The following TBL1X variants were observed in gnomAD, a reference collection of about 807,000 sequenced individuals.
TBL1X encodes F-box-like/WD repeat-containing protein TBL1X.
Under a neutral mutation model 50.7 loss-of-function variants are expected in TBL1X, and 10 were observed. The observed-to-expected ratio is 0.20, with a 90% CI of 0.12 to 0.33. The LOEUF is 0.33. Among genes scored for constraint, TBL1X ranks in the 10% least tolerant of loss-of-function variants. The pLI, the probability that TBL1X is intolerant of heterozygous loss-of-function variation, is 1.00. For synonymous variants in TBL1X, 190 were observed against 214.7 expected (o/e 0.88, Z 1.01); for missense variants, 340 against 504.4 (o/e 0.67, Z 3.12).
chrX:9,518,443 A>G, intron 2 of TBL1X, among the ~76,000 whole-genome samples: 1 of 112,238 alleles, frequency 8.9e-6, no homozygotes, highest in East Asian at 2.8e-4. Context: ...GAAGCCTGGT[A>G]TTTTCATAAT....
In TBL1X at chrX:9,702,071, G is replaced by GA. The variant is rs1387255183; in HGVS notation, c.1115-2920dup. On this transcript the variant is annotated intron_variant, in intron 12 of 17. Transcript: ENST00000645353. ...CACCTCTTATTTGAAGACCGAGGAA[G>GA]AATAGGGGCAATTGATGGTTAGTAT... Among the ~76,000 whole-genome samples, 3 of 111,549 alleles carry GA rather than the reference G, an allele frequency of 2.7e-5. No homozygotes were observed. In the Admixed American group the frequency reaches 2.9e-4, roughly 11 times the overall value.
chrX:9,484,858 G>T (rs2081902440), intron 1 of TBL1X, among the ~76,000 whole-genome samples: 1 of 103,645 alleles, frequency 9.6e-6, no homozygotes, highest in African/African-American at 3.6e-5. Flanking sequence ...GAGGCAGGAG[G>T]ATAGCTTGAA....
At chrX:9,647,311 G>A (rs2082497582) in intron 3 of TBL1X, among the ~76,000 whole-genome samples, 1 of 112,040 alleles carries the variant, frequency 8.9e-6, no homozygotes, top group Non-Finnish European at 1.9e-5. Context: ...CTTCAAAAAT[G>A]CCATCAGCCC....
At chrX:9,673,305 C>T (rs771402062) in intron 5 of TBL1X, among the ~76,000 whole-genome samples, 4 of 112,568 alleles carry the variant, frequency 3.6e-5, no homozygotes, top group Non-Finnish European at 7.5e-5. Flanking sequence ...ATATCCTACC[C>T]TTGTCAGTGT....
chrX:9,596,530 C>T (rs1169340394), intron 2 of TBL1X, among the ~76,000 whole-genome samples: 1 of 111,077 alleles, frequency 9.0e-6, no homozygotes, highest in Non-Finnish European at 1.9e-5. Context: ...CGCTCAACAT[C>T]CTACAATGCA....
At chrX:9,648,803 G>A (rs1315232328) in intron 3 of TBL1X, among the ~76,000 whole-genome samples, 1 of 112,181 alleles carries the variant, frequency 8.9e-6, no homozygotes, top group Non-Finnish European at 1.9e-5. Flanking sequence ...TTATTTGTGG[G>A]AAATTAAACA....
rs148489324 is a variant in TBL1X, at chrX:9,693,283, C to A, written c.956-39C>A. 9.1e-4 allele frequency: 1,095 copies of A among 1,207,148 alleles called. 8 individuals carry two copies. In the African/African-American group the frequency reaches 0.016, roughly 18 times the overall value. On this transcript the variant is annotated intron_variant, in intron 10 of 17. Coordinates refer to ENST00000645353, the MANE Select transcript of TBL1X (RefSeq NM_005647.4). ...CGAACTTAACCCTTGAGTGAACAGA[C>A]CATGACATTGAGGTCAACATGTTTG...
chrX:9,593,739 A>G (rs888245678), intron 2 of TBL1X, among the ~76,000 whole-genome samples: 3 of 109,424 alleles, frequency 2.7e-5, no homozygotes. Context: ...CCACTTCCCC[A>G]TTTATTTCTC....
At chrX:9,601,351 G>C (rs942359688) in intron 2 of TBL1X, among the ~76,000 whole-genome samples, 1 of 110,941 alleles carries the variant, frequency 9.0e-6, no homozygotes, top group Non-Finnish European at 1.9e-5. Context: ...CCCTGGGCTA[G>C]GTACATATGG....
intron 3 of TBL1X, 88 bp from the exon 4 acceptor site, chrX:9,653,457 G>A: frequency 1.7e-6 from 1 of 590,797 alleles, no homozygotes. Flanking sequence ...GGCACCAGAA[G>A]TCTTAGCCAG....
chrX:9,686,073 C>T (rs998745944), intron 6 of TBL1X, among the ~76,000 whole-genome samples: 8 of 111,146 alleles, frequency 7.2e-5, no homozygotes, highest in East Asian at 2.8e-4. Context: ...CTGTGGCTTT[C>T]GAAACTCCGG....
chrX:9,647,230 C>T (rs1005609127), intron 3 of TBL1X, among the ~76,000 whole-genome samples: 3 of 111,731 alleles, frequency 2.7e-5, no homozygotes, highest in Admixed American at 9.5e-5. Context: ...AATAATCTCC[C>T]CTTCAGCTTC....
Position 9,563,067 on chromosome X carries a change from CT to C in TBL1X, c.-131+61220del, listed in dbSNP as rs781178672. ...GAGAATGCCCTGGCTGCCGTTCTGG[CT>C]TCTGCCCTACCCAGAGCATCCAGTA... On this transcript the variant is annotated intron_variant, in intron 2 of 17. Transcript: ENST00000645353. 6.1e-3 allele frequency among the ~76,000 whole-genome samples: 692 copies of C among 112,850 alleles called. 3 individuals are homozygous for C. The highest frequency in any genetic ancestry group is 0.021 in the African/African-American group (652 of 31,071).
chrX:9,716,061 G>A (rs147045769), intron 17 of TBL1X, among the ~76,000 whole-genome samples, 159 bp from the exon 18 acceptor site: 29 of 112,332 alleles, frequency 2.6e-4, no homozygotes, highest in African/African-American at 8.7e-4. Context: ...TGTTATGAGA[G>A]CTTCTCTGAC....
intron 2 of TBL1X, among the ~76,000 whole-genome samples, chrX:9,617,655 C>T (rs2082645810): frequency 8.9e-6 from 1 of 111,793 alleles, no homozygotes; most frequent in Admixed American, 9.5e-5. Flanking sequence ...CTTCAGAAAA[C>T]AGAAACATTA....
intron 2 of TBL1X, among the ~76,000 whole-genome samples, chrX:9,638,755 T>C (rs187773174): frequency 1.6e-3 from 180 of 111,884 alleles, no homozygotes; most frequent in African/African-American, 5.0e-3. Flanking sequence ...TTGGAACTTA[T>C]TGTGGTGACA....
At chrX:9,606,225 A>G (rs765406249) in intron 2 of TBL1X, among the ~76,000 whole-genome samples, 1 of 111,706 alleles carries the variant, frequency 9.0e-6, no homozygotes, top group South Asian at 3.7e-4. Context: ...CCGGTACTGG[A>G]GTGTGAATGC....
intron 1 of TBL1X, among the ~76,000 whole-genome samples, chrX:9,469,787 C>T (rs930306608): frequency 8.9e-6 from 1 of 111,844 alleles, no homozygotes; most frequent in African/African-American, 3.2e-5. Flanking sequence ...CCCCCAGCCC[C>T]GAATCTGGGG....
intron 2 of TBL1X, among the ~76,000 whole-genome samples, chrX:9,628,109 G>T (rs2023749): frequency 0.46 from 51,223 of 111,862 alleles, 9,354 homozygotes; most frequent in Non-Finnish European, 0.59. Flanking sequence ...ACTTGTGGAA[G>T]AAGCTTAGAG....
Sources: gnomAD v4.1 joint callset for allele counts (sites outside exome capture counted in the v4.1 genomes callset) on GRCh38, gnomAD v4.1.1 for gene constraint, MANE v1.5 for transcripts, NCBI Gene and HGNC (gene_info 2026-07-23, HGNC 2026-07-21) for gene names.